The following ZRANB1 variants were observed in gnomAD, a reference collection of about 807,000 sequenced individuals.
The protein encoded by ZRANB1 is ubiquitin thioesterase ZRANB1.
ZRANB1 carries 16 observed loss-of-function variants against 80.5 expected under a neutral mutation model. That is an observed-to-expected ratio of 0.20 (90% confidence interval 0.13 to 0.30). The LOEUF (loss-of-function observed/expected upper bound fraction) is 0.30, where lower values mean the gene tolerates loss of function less well. Among genes scored for constraint, ZRANB1 ranks in the 10% least tolerant of loss-of-function variants. The pLI is 1.00. For missense variants in ZRANB1, 576 were observed against 862.6 expected, an observed-to-expected ratio of 0.67 and a Z score of 4.16; for synonymous variants, 291 against 293.1, an observed-to-expected ratio of 0.99 and a Z score of 0.07.
the ZRANB1 span, among the ~76,000 whole-genome samples, chr10:124,928,759 T>C: frequency 6.6e-6 from 1 of 152,172 alleles, no homozygotes; most frequent in African/African-American, 2.4e-5. Flanking sequence ...TGTCAGATAG[T>C]GATAAGTGCT....
chr10:124,974,288 T>C lies in ZRANB1; in HGVS notation c.1317T>C (p.Thr439=). 2 of 1,614,260 alleles carry C rather than the reference T, an allele frequency of 1.2e-6. No homozygotes were observed. The highest frequency in any genetic ancestry group is 1.7e-6 in the Non-Finnish European group (2 of 1,180,046). Residue 439 remains threonine, a synonymous_variant, in exon 5 of 9, where the codon ACT becomes ACC. Transcript: ENST00000359653. ...DSRLYALWNR[T]AGDCLLDSVL... ...GACTGTATGCACTTTGGAACCGGAC[T>C]GCAGGAGACTGCCTACTTGATTCAG...
At chr10:124,943,738 T>C (rs994148475) in intron 1 of ZRANB1, among the ~76,000 whole-genome samples, 1 of 152,252 alleles carries the variant, frequency 6.6e-6, no homozygotes, top group African/African-American at 2.4e-5. Flanking sequence ...GCAAAGTTTT[T>C]ACACATCAGC....
chr10:124,969,935 G>A (rs1171277251), intron 2 of ZRANB1, among the ~76,000 whole-genome samples: 2 of 152,068 alleles, frequency 1.3e-5, no homozygotes, highest in Non-Finnish European at 2.9e-5. Context: ...TTGTTTGGGG[G>A]CTAAGTTTCT....
chr10:124,984,712 A>T lies in ZRANB1; in HGVS notation c.1909-62A>T, dbSNP rs113039088. On this transcript the variant is annotated intron_variant, in intron 8 of 8. Coordinates refer to ENST00000359653, the MANE Select transcript of ZRANB1 (RefSeq NM_017580.3). ...TACCAGCTGTAGGTTTCCATGTCAC[A>T]TTCCTACCAAGTCTCTGATCTGTTG... 5.9e-6 allele frequency: 9 copies of T among 1,536,224 alleles called. No individual in the cohort carries two copies. In the African/African-American group the frequency reaches 8.2e-5, roughly 14 times the overall value.
At chr10:124,917,454 C>T in the ZRANB1 span, among the ~76,000 whole-genome samples, 1 of 151,868 alleles carries the variant, frequency 6.6e-6, no homozygotes, top group South Asian at 2.1e-4. Context: ...CTTGGGCGCT[C>T]CGGTTGCGGG....
rs987836859 is a variant in ZRANB1, at chr10:124,947,592, A to G, written c.814+4285A>G. The stretch of plus-strand genomic sequence containing the variant: ...GCTGCCTATTCAGCATCTTTCCTGG[A>G]GTGTTTAAAAACTCAAGCTCATTTC... On this transcript the variant is annotated intron_variant, in intron 1 of 8. Coordinates refer to ENST00000359653, the MANE Select transcript of ZRANB1 (RefSeq NM_017580.3). Among the ~76,000 whole-genome samples, 10 of 152,198 alleles carry G rather than the reference A, an allele frequency of 6.6e-5. 1 individual carries two copies. The highest frequency in any genetic ancestry group is 2.4e-4 in the African/African-American group (10 of 41,444).
intron 5 of ZRANB1, among the ~76,000 whole-genome samples, chr10:124,977,067 C>T (rs1951882279): frequency 6.6e-6 from 1 of 152,022 alleles, no homozygotes. Flanking sequence ...TTCTTGGGCT[C>T]AGGTGATCCT....
At chr10:124,958,098 T>A in intron 1 of ZRANB1, among the ~76,000 whole-genome samples, 1 of 152,236 alleles carries the variant, frequency 6.6e-6, no homozygotes, top group East Asian at 1.9e-4. Context: ...TGTTTATCCT[T>A]TCCTCAGTTG....
chr10:124,940,242 C>G (rs73373126), upstream of ZRANB1, among the ~76,000 whole-genome samples: 4,578 of 152,200 alleles, frequency 0.03, 218 homozygotes, highest in African/African-American at 0.1. Flanking sequence ...AATTAAAATT[C>G]TAAATATAGT....
chr10:124,922,937 G>A, the ZRANB1 span, among the ~76,000 whole-genome samples: 1 of 152,150 alleles, frequency 6.6e-6, no homozygotes, highest in African/African-American at 2.4e-5. Context: ...TGGGAGGATC[G>A]CTTGATCCCA....
the ZRANB1 span, among the ~76,000 whole-genome samples, chr10:124,928,899 A>T: frequency 6.6e-6 from 1 of 152,268 alleles, no homozygotes; most frequent in African/African-American, 2.4e-5. Flanking sequence ...GGGAAATAAC[A>T]TTCTAGGCAG....
chr10:124,928,513 A>G, the ZRANB1 span, among the ~76,000 whole-genome samples: 1 of 152,244 alleles, frequency 6.6e-6, no homozygotes, highest in Admixed American at 6.5e-5. Flanking sequence ...GTTTTTATAG[A>G]AATTATTTTA....
chr10:124,917,459 T>G, the ZRANB1 span, among the ~76,000 whole-genome samples: 1 of 151,890 alleles, frequency 6.6e-6, no homozygotes, highest in East Asian at 1.9e-4. Context: ...GCGCTCCGGT[T>G]GCGGGGACGG....
the ZRANB1 span, among the ~76,000 whole-genome samples, chr10:124,931,122 C>T: frequency 6.6e-6 from 1 of 152,070 alleles, no homozygotes; most frequent in African/African-American, 2.4e-5. Context: ...TTTCTCTTGG[C>T]TGTAGTGCAG....
Position 124,984,991 on chromosome 10 carries a change from G to GAA in ZRANB1, c.*8_*9dup, listed in dbSNP as rs535580590. The change falls in exon 9 of 9, where the codon TGA becomes TGAAA. Residue 709 remains the stop codon, a frameshift_variant and stop_retained_variant. Coordinates refer to ENST00000359653, the MANE Select transcript of ZRANB1 (RefSeq NM_017580.3). LOFTEE classifies it high-confidence loss of function. ...GEEDEDDEDE[*] ...GAAGATGAGGATGATGAAGATGAAT[G>GAA]AAAAAAAAAATCAAACAGCAGAAGA... 2.0e-4 allele frequency: 303 copies of GAA among 1,520,912 alleles called. No individual in the cohort carries two copies. Among genetic ancestry groups the GAA allele is most frequent in the Admixed American group, 5.1e-4 (27 of 53,040 alleles). 94.2% of individuals were successfully genotyped at this position (1,520,912 alleles called of 1,614,324 possible). A position where few individuals can be genotyped will look rare whatever the true frequency, so the allele number is the denominator to read the frequency against.
rs1952004803 is a variant in ZRANB1 at position 124,985,149 on chromosome 10, A to AT, written c.*158dup. 6.8e-6 allele frequency: 4 copies of AT among 584,498 alleles called. No individual in the cohort carries two copies. 36.2% of individuals were successfully genotyped at this position (584,498 alleles called of 1,614,324 possible). On this transcript the variant is annotated 3_prime_UTR_variant, in exon 9 of 9. Coordinates refer to ENST00000359653, the MANE Select transcript of ZRANB1 (RefSeq NM_017580.3). ...CCTGGACCACACACACCTTATGGAG[A>AT]TAATGCCTCTGCTGCGTGAGGAGAC... is the stretch of plus-strand genomic sequence containing the variant.
chr10:124,967,791 G>T (rs572976508), intron 2 of ZRANB1, among the ~76,000 whole-genome samples: 1 of 152,282 alleles, frequency 6.6e-6, no homozygotes, highest in East Asian at 1.9e-4. Context: ...CAGTGTGGAT[G>T]TAAGTTGATT....
At position 124,983,349 on chromosome 10, in the gene ZRANB1, A is replaced by G. The variant is rs1283575079; in HGVS notation, c.1678+45A>G. 2 of 1,606,266 alleles carry G rather than the reference A, an allele frequency of 1.2e-6. No individual in the cohort carries two copies. The highest frequency in any genetic ancestry group is 1.7e-6 in the Non-Finnish European group (2 of 1,175,220). ...CGTTTTACAAGTTTCTTTGAACGGA[A>G]TGGCTCAGATGTCAGGAAGGAGCAG... is the stretch of plus-strand genomic sequence containing the variant. On this transcript the variant is annotated intron_variant, in intron 7 of 8. Transcript: ENST00000359653. The surrounding 1 kb of genome is among the most constrained non-coding windows in gnomAD (Gnocchi z 6.2).
the ZRANB1 span, chr10:124,917,393 C>T: frequency 6.6e-6 from 1 of 150,964 alleles, no homozygotes; most frequent in East Asian, 1.9e-4. Context: ...GCGACCGCGT[C>T]GCAGGCGCGG....
Sources: gnomAD v4.1 joint callset for allele counts (sites outside exome capture counted in the v4.1 genomes callset) on GRCh38, gnomAD v4.1.1 for gene constraint, Gnocchi (gnomAD v3.1) non-coding constraint, MANE v1.5 for transcripts, NCBI Gene and HGNC (gene_info 2026-07-23, HGNC 2026-07-21) for gene names.